CSMD3: variants seen among roughly 807,000 people sequenced by gnomAD.
The protein encoded by CSMD3 is CUB and sushi domain-containing protein 3.
In CSMD3, 177 loss-of-function variants were observed where a neutral mutation model predicts 435.2. The ratio of observed to expected loss-of-function variants is 0.41; its 90% CI spans 0.36 to 0.46. The LOEUF (loss-of-function observed/expected upper bound fraction) is 0.46. Among genes scored for constraint, CSMD3 ranks in the 20% least tolerant of loss-of-function variants. The pLI, the probability that CSMD3 is intolerant of heterozygous loss-of-function variation, is 0.34. For missense variants in CSMD3, 4,265 were observed against 4,504.6 expected, an observed-to-expected ratio of 0.95 and a Z score of 1.52; for synonymous variants, 1,656 against 1,520.5, an observed-to-expected ratio of 1.09 and a Z score of -2.07.
intron 61 of CSMD3, among the ~76,000 whole-genome samples, chr8:112,263,132 C>A (rs1816585730): frequency 1.0e-5 from 1 of 99,954 alleles, no homozygotes; most frequent in Admixed American, 9.9e-5. Flanking sequence ...ATACAGCAAC[C>A]TCTGTAAAAA....
intron 1 of CSMD3, among the ~76,000 whole-genome samples, chr8:113,356,414 G>C (rs1319428897): frequency 6.6e-6 from 1 of 152,210 alleles, no homozygotes; most frequent in Admixed American, 6.5e-5. Context: ...AAATTGGTCA[G>C]CTTTTTTTGT....
At position 112,472,638 on chromosome 8, in the gene CSMD3, C is replaced by G. The variant is rs903031951; in HGVS notation, c.5348G>C (p.Ser1783Thr). 1 of 1,611,092 alleles carries G rather than the reference C, an allele frequency of 6.2e-7. No individual in the cohort carries two copies. The change falls in exon 32 of 71, where the codon AGT becomes ACT. Residue 1783 changes from serine to threonine, a missense_variant. This residue lies in a region of CSMD3 where 3,255 missense variants were observed against 3,380.2 expected (regional missense o/e 0.96). Coordinates refer to ENST00000297405, the MANE Select transcript of CSMD3 (RefSeq NM_198123.2). Reference protein sequence around the residue: ...VLSPNYPKNYSVGHNCVYSIA... With the variant: ...VLSPNYPKNYTVGHNCVYSIA... ...AGAATAAACACAATTATGTCCCACA[C>G]TGTAATTTTTTGGATAGTTTGGTGA...
intron 15 of CSMD3, among the ~76,000 whole-genome samples, chr8:112,682,883 A>G (rs2131789304): frequency 6.6e-6 from 1 of 152,262 alleles, no homozygotes; most frequent in Middle Eastern, 3.4e-3. Flanking sequence ...ATAAAATTTC[A>G]AAACAGAATT....
At chr8:112,496,907 A>G (rs1326996184) in intron 30 of CSMD3, among the ~76,000 whole-genome samples, 2 of 152,318 alleles carry the variant, frequency 1.3e-5, no homozygotes, top group African/African-American at 4.8e-5. Flanking sequence ...GGGCAACTAT[A>G]GTCAATAATA....
intron 4 of CSMD3, among the ~76,000 whole-genome samples, chr8:113,129,893 CA>C (rs2091241183): frequency 6.6e-6 from 1 of 151,768 alleles, no homozygotes; most frequent in African/African-American, 2.4e-5. Flanking sequence ...AGGATACAGC[CA>C]GTAATTTTAT....
chr8:112,616,488 GA>G (rs1244514394), intron 22 of CSMD3, among the ~76,000 whole-genome samples: 1 of 152,056 alleles, frequency 6.6e-6, no homozygotes, highest in Non-Finnish European at 1.5e-5. Context: ...TTATATTAAT[GA>G]ATTATGGCAT....
At chr8:113,403,018 C>T (rs1283084836) in intron 1 of CSMD3, among the ~76,000 whole-genome samples, 2 of 151,164 alleles carry the variant, frequency 1.3e-5, no homozygotes, top group African/African-American at 2.4e-5. Flanking sequence ...CAATTGCACC[C>T]TCTGAATGTA....
chr8:112,844,752 A>G (rs186644106), intron 11 of CSMD3, among the ~76,000 whole-genome samples: 2 of 151,920 alleles, frequency 1.3e-5, no homozygotes, highest in South Asian at 2.1e-4. Context: ...TCTGTCACTG[A>G]CATCCAAACC....
At chr8:112,718,517 A>G (rs112153209) in intron 13 of CSMD3, among the ~76,000 whole-genome samples, 47,013 of 137,868 alleles carry the variant, frequency 0.34, 7,830 homozygotes, top group African/African-American at 0.51. Context: ...ATATATATGT[A>G]TATATATATA....
At chr8:112,832,337 T>C (rs2079900810) in intron 11 of CSMD3, among the ~76,000 whole-genome samples, 2 of 152,114 alleles carry the variant, frequency 1.3e-5, no homozygotes, top group Non-Finnish European at 2.9e-5. Context: ...TTAGTTTATA[T>C]TATATGGAAA....
intron 1 of CSMD3, among the ~76,000 whole-genome samples, chr8:113,403,760 T>C (rs1487653849): frequency 6.6e-6 from 1 of 151,478 alleles, no homozygotes; most frequent in African/African-American, 2.4e-5. Context: ...TCAGGCTACA[T>C]TTCCCTTCTG....
chr8:113,240,648 T>C (rs1314309129), intron 3 of CSMD3, among the ~76,000 whole-genome samples: 2 of 152,332 alleles, frequency 1.3e-5, no homozygotes, highest in African/African-American at 2.4e-5. Flanking sequence ...GTATGTCATA[T>C]GGTTGTATTA....
In CSMD3 at chr8:113,075,193, C is replaced by G. The variant is rs554668560; in HGVS notation, c.917+23563G>C. ...ATATTGCTAATAAAAATAGAAATCT[C>G]GTATTAAAAACAAATTTTAATAATC... On this transcript the variant is annotated intron_variant, in intron 5 of 70. Transcript: ENST00000297405. Among the ~76,000 whole-genome samples, 4 of 151,678 alleles carry G rather than the reference C, an allele frequency of 2.6e-5. No individual in the cohort carries two copies. The East Asian group carries it at 5.8e-4, about 22-fold the overall frequency.
chr8:112,552,542 G>A (rs1043971737), intron 26 of CSMD3, 52 bp downstream of exon 26: 1 of 1,554,330 alleles, frequency 6.4e-7, no homozygotes, highest in Non-Finnish European at 8.8e-7. Flanking sequence ...TATAGGGGTT[G>A]GTTAGGCACT....
At chr8:112,806,573 G>A (rs1224564253) in intron 12 of CSMD3, among the ~76,000 whole-genome samples, 1 of 152,164 alleles carries the variant, frequency 6.6e-6, no homozygotes, top group South Asian at 2.1e-4. Flanking sequence ...ATTGTGCTTA[G>A]GAGATGCAAT....
chr8:112,529,405 T>C (rs1347109817), intron 27 of CSMD3, among the ~76,000 whole-genome samples: 15 of 152,118 alleles, frequency 9.9e-5, no homozygotes, highest in Non-Finnish European at 2.2e-4. Context: ...CTGAACATCA[T>C]GGCAAAACCA....
intron 1 of CSMD3, among the ~76,000 whole-genome samples, chr8:113,384,103 AC>A (rs2094429398): frequency 1.3e-5 from 2 of 152,238 alleles, no homozygotes; most frequent in Admixed American, 1.3e-4. Context: ...ATACTTAAAA[AC>A]CTGTCTTGAT....
chr8:112,571,174 A>T (rs1429512376), intron 24 of CSMD3, among the ~76,000 whole-genome samples: 2 of 151,782 alleles, frequency 1.3e-5, no homozygotes, highest in East Asian at 3.9e-4. Context: ...CGCCCAGCTA[A>T]TTTTGTATTT....
At chr8:112,391,817 A>G (rs1344645387) in intron 35 of CSMD3, among the ~76,000 whole-genome samples, 53 of 152,184 alleles carry the variant, frequency 3.5e-4, no homozygotes, top group Admixed American at 3.5e-3. Flanking sequence ...AACTACTACA[A>G]GAAAGAATAT....
Sources: allele counts gnomAD v4.1 joint callset (sites outside exome capture counted in the v4.1 genomes callset), GRCh38; gene constraint gnomAD v4.1.1; regional missense constraint gnomAD v4.1.1; transcripts MANE v1.5; gene names NCBI Gene and HGNC (gene_info 2026-07-23, HGNC 2026-07-21).